The following MAN2B1 variants were observed in gnomAD, a reference collection of about 807,000 sequenced individuals.
MAN2B1 encodes the protein lysosomal alpha-mannosidase.
Under a neutral mutation model 127.5 loss-of-function variants are expected in MAN2B1, and 99 were observed. The ratio of observed to expected loss-of-function variants is 0.78; its 90% CI spans 0.66 to 0.92. The LOEUF (loss-of-function observed/expected upper bound fraction) is 0.92. Ranked by LOEUF, MAN2B1 falls within the 40% of genes least tolerant of loss-of-function variation. The probability of loss-of-function intolerance (pLI) is 0.00; values close to 1 mark genes in which losing one functional copy is unlikely to be tolerated. For synonymous variants in MAN2B1, 573 were observed against 568.8 expected (o/e 1.01, Z -0.11); for missense variants, 1,304 against 1,384.8 (o/e 0.94, Z 0.93).
At chr19:12,663,881 T>TAA in intron 4 of MAN2B1, 46 bp from the exon 5 acceptor site, 1 of 1,613,144 alleles carries the variant, frequency 6.2e-7, no homozygotes, top group Admixed American at 1.7e-5. Context: ...TGCCCAGCCC[T>TAA]CTCACCACCA....
At chr19:12,650,381 C>T (rs1190914090) in intron 16 of MAN2B1, among the ~76,000 whole-genome samples, 159 bp from the exon 17 acceptor site, 14 of 139,264 alleles carry the variant, frequency 1.0e-4, no homozygotes, top group African/African-American at 3.0e-4. Context: ...TTTTTTGAGA[C>T]GGAGTCTCGC....
chr19:12,665,799 G>A lies in MAN2B1; in HGVS notation c.166C>T (p.Pro56Ser). 1 of 1,613,294 alleles carries A rather than the reference G, an allele frequency of 6.2e-7. No individual in the cohort carries two copies. Among genetic ancestry groups the A allele is most frequent in the Non-Finnish European group, 8.5e-7 (1 of 1,179,550 alleles). The change falls in exon 2 of 24, where the codon CCC becomes TCC. Residue 56 changes from proline (P) to serine (S), a missense_variant. Transcript: ENST00000456935. Reference sequence around the variant, plus strand: ...TTCAGCATGTTCGGCTGCACTGTGGGGCATGTCTGCACAGGGACCCCAAAC... The same window carrying A: ...TTCAGCATGTTCGGCTGCACTGTGGAGCATGTCTGCACAGGGACCCCAAAC... Reference protein sequence around the residue: ...GARAGGYETCPTVQPNMLNVH... With the variant: ...GARAGGYETCSTVQPNMLNVH...
intron 16 of MAN2B1, 136 bp from the exon 17 acceptor site, chr19:12,650,358 T>G: frequency 1.4e-5 from 1 of 69,510 alleles, no homozygotes; most frequent in Non-Finnish European, 3.8e-5. Flanking sequence ...CACATAATTC[T>G]TTTTTTTTTT....
In MAN2B1 at chr19:12,665,689, C is replaced by T; in HGVS notation, c.262+14G>A. 1 of 1,611,746 alleles carries T rather than the reference C, an allele frequency of 6.2e-7. No individual in the cohort carries two copies. Among genetic ancestry groups the T allele is most frequent in the Non-Finnish European group, 8.5e-7 (1 of 1,177,822 alleles). ...CATGGGGATCCCAGGGACCAGTCCC[C>T]ATCCTCTACTCACTTCCATAAAAGT... On this transcript the variant is annotated intron_variant, in intron 2 of 23. Transcript: ENST00000456935.
intron 6 of MAN2B1, 126 bp downstream of exon 6, chr19:12,663,191 G>C (rs1305324914): frequency 8.5e-7 from 1 of 1,180,356 alleles, no homozygotes; most frequent in African/African-American, 1.5e-5. Context: ...TCCAGCCTGG[G>C]TGACAGAGTA....
chr19:12,662,581 G>A (rs533950827), intron 6 of MAN2B1, among the ~76,000 whole-genome samples: 1 of 152,114 alleles, frequency 6.6e-6, no homozygotes, highest in Admixed American at 6.6e-5. Flanking sequence ...AGTGAGCCGA[G>A]ATCGTGCCAC....
intron 11 of MAN2B1, 38 bp from the exon 12 acceptor site, chr19:12,657,094 G>T (rs978480808): frequency 4.8e-6 from 6 of 1,252,052 alleles, no homozygotes; most frequent in South Asian, 2.5e-5. Flanking sequence ...GGTTCAGGAC[G>T]CCAGGCCTGA....
chr19:12,647,300 C>T lies in MAN2B1; in HGVS notation c.2856G>A (p.Gln952=), dbSNP rs1318861970. ...LFSTFTITRL[Q]ETTLVANQLR... is the part of the protein sequence containing the mutation. ...GCTGGTTGGCCACCAGCGTGGTCTC[C>T]TGCAGGCGGGTGATGGTGAAGGTGG... The change falls in exon 23 of 24, where the codon CAG becomes CAA. Residue 952 remains glutamine, a synonymous_variant. Coordinates refer to ENST00000456935, the MANE Select transcript of MAN2B1 (RefSeq NM_000528.4). This position sits in a 1 kb window ranked among gnomAD's most constrained non-coding sequence, Gnocchi z 4.9. The T allele has an allele frequency of 1.9e-6, 3 of 1,614,080 alleles. No homozygotes were observed. In the African/African-American group the frequency reaches 4.0e-5, roughly 22 times the overall value.
chr19:12,649,092 A>C (rs2023772242), intron 20 of MAN2B1, 44 bp downstream of exon 20: 1 of 1,540,680 alleles, frequency 6.5e-7, no homozygotes. Flanking sequence ...GCAGGGGTCC[A>C]GGTTGGGAGG....
intron 3 of MAN2B1, 119 bp from the exon 4 acceptor site, chr19:12,665,104 G>C: frequency 8.9e-7 from 1 of 1,117,480 alleles, no homozygotes; most frequent in South Asian, 1.3e-5. Context: ...AGGACAAGAG[G>C]GGTCGCTCCC....
At chr19:12,657,418 CG>C (rs1227378066) in intron 11 of MAN2B1, 27 bp downstream of exon 11, 2 of 1,537,530 alleles carry the variant, frequency 1.3e-6, no homozygotes, top group Non-Finnish European at 1.8e-6. Context: ...TCTCCACCCC[CG>C]TGTCTCCCAA....
chr19:12,658,733 G>C, intron 7 of MAN2B1: 2 of 574,504 alleles, frequency 3.5e-6, no homozygotes, highest in Non-Finnish European at 6.2e-6. Flanking sequence ...GAATAAACCT[G>C]AAATTTTACT....
At position 12,658,085 on chromosome 19, in the gene MAN2B1, G is replaced by A. The variant is rs1403792864; in HGVS notation, c.1287C>T (p.Gly429=). 4 of 1,613,102 alleles carry A rather than the reference G, an allele frequency of 2.5e-6. No homozygotes were observed. Among genetic ancestry groups the A allele is most frequent in the African/African-American group, 1.3e-5 (1 of 74,840 alleles). The change falls in exon 10 of 24, where the codon GGC becomes GGT. Residue 429 remains glycine, a synonymous_variant. Transcript: ENST00000456935. The part of the protein sequence containing the change: ...VGLAANVGPY[G]SGDSAPLNEA... ...TACTGAGGGGTGCACTGTCTCCGGAGCCATAGGGTCCCACGTTGGCCGCCA... is the reference window on the plus strand; with the variant it reads ...TACTGAGGGGTGCACTGTCTCCGGAACCATAGGGTCCCACGTTGGCCGCCA...
intron 20 of MAN2B1, among the ~76,000 whole-genome samples, 170 bp downstream of exon 20, chr19:12,648,966 G>T (rs1302622697): frequency 1.3e-5 from 2 of 152,198 alleles, no homozygotes; most frequent in Non-Finnish European, 2.9e-5. Context: ...TTGCACTCCA[G>T]CTTGGACAAC....
rs773893054 is a variant in MAN2B1 at position 12,655,912 on chromosome 19, A to G, written c.1645-33T>C. 3 of 1,593,724 alleles carry G rather than the reference A, an allele frequency of 1.9e-6. No homozygotes were observed. In the Admixed American group the frequency reaches 5.0e-5, roughly 27 times the overall value. ...AAAGGAGGAGGGAAACTGAGTCAAG[A>G]GTACCCATGGAAAGCTATACATGCA... On this transcript the variant is annotated intron_variant, in intron 13 of 23. Transcript: ENST00000456935.
At position 12,648,352 on chromosome 19, in the gene MAN2B1, T is replaced by G. The variant is rs540034802; in HGVS notation, c.2487A>C (p.Leu829=). 8 of 1,613,550 alleles carry G rather than the reference T, an allele frequency of 5.0e-6. No individual in the cohort carries two copies. The South Asian group carries it at 8.8e-5, about 18-fold the overall frequency. The change falls in exon 21 of 24, where the codon CTA becomes CTC. Residue 829 remains leucine (L), a synonymous_variant. Transcript: ENST00000456935. The part of the protein sequence containing the change: ...KDDGRGVSEP[L]MENGSGAWVR... ...CCCACGCCCCCGACCCGTTCTCCAT[T>G]AGTGGCTCCGATACTCCGCGTCCAT...
In MAN2B1 at chr19:12,652,186, A is replaced by G. The variant is rs990256081; in HGVS notation, c.2013T>C (p.Pro671=). Residue 671 remains proline, a synonymous_variant, in exon 16 of 24, where the codon CCT becomes CCC. Transcript: ENST00000456935. ...GGTGGATCTGAGCCCAGCGGCTCACAGGCAGCGGTTTCTGTTGGTTGGGTC... is the reference window on the plus strand; with the variant it reads ...GGTGGATCTGAGCCCAGCGGCTCACGGGCAGCGGTTTCTGTTGGTTGGGTC... ...IFRPNQQKPL[P]VSRWAQIHLV... is the part of the protein sequence containing the mutation. The G allele has an allele frequency of 6.2e-7, 1 of 1,614,124 alleles. No individual in the cohort carries two copies. The highest frequency in any genetic ancestry group is 1.1e-5 in the South Asian group (1 of 91,082).
At chr19:12,666,249 C>A (rs183743839) in intron 1 of MAN2B1, among the ~76,000 whole-genome samples, 2 of 152,194 alleles carry the variant, frequency 1.3e-5, no homozygotes, top group Non-Finnish European at 2.9e-5. Context: ...CACCTCCCCC[C>A]ACACATACAC....
rs138817592 is a variant in MAN2B1 at position 12,649,985 on chromosome 19, C to T, written c.2195G>A (p.Arg732His). Residue 732 changes from arginine (R) to histidine (H), a missense_variant, in exon 18 of 24, where the codon CGT becomes CAT. Arg to His is a conservative substitution (Grantham distance 29). Transcript: ENST00000456935. The part of the protein sequence containing the change: ...GDTWGKEVIS[R>H]FDTPLETKGR... ...CTTTGTCTCCAGCGGTGTGTCAAAA[C>T]GGCTGATGACCTCCTTCCCCCAGGT... 13 of 1,613,932 alleles carry T rather than the reference C, an allele frequency of 8.1e-6. No individual in the cohort carries two copies. Among genetic ancestry groups the T allele is most frequent in the African/African-American group, 2.7e-5 (2 of 74,872 alleles).
Sources: allele counts gnomAD v4.1 joint callset (sites outside exome capture counted in the v4.1 genomes callset), GRCh38; gene constraint gnomAD v4.1.1; non-coding constraint Gnocchi (gnomAD v3.1); transcripts MANE v1.5; gene names NCBI Gene and HGNC (gene_info 2026-07-23, HGNC 2026-07-21).